The following AFG1L variants were observed in gnomAD, a reference collection of about 807,000 sequenced individuals.
AFG1L encodes the protein AFG1-like ATPase.
A neutral mutation model predicts 62.2 loss-of-function variants in AFG1L; 53 were observed. That is an observed-to-expected ratio of 0.85 (90% CI 0.68 to 1.07). The LOEUF (loss-of-function observed/expected upper bound fraction) is 1.07, where lower values mean the gene tolerates loss of function less well. AFG1L is among the 50% of genes least tolerant of loss of function. The pLI is 0.00. For missense variants in AFG1L, 555 were observed against 590.5 expected, an observed-to-expected ratio of 0.94 and a Z score of 0.62; for synonymous variants, 228 against 210.3, an observed-to-expected ratio of 1.08 and a Z score of -0.73.
intron 6 of AFG1L, 143 bp from the exon 7 acceptor site, chr6:108,401,851 AAG>A: frequency 2.0e-6 from 1 of 500,476 alleles, no homozygotes; most frequent in South Asian, 2.9e-5. Context: ...GTAGGACCCA[AAG>A]AGAAATCAAT....
In AFG1L at chr6:108,313,525, G is replaced by C. The variant is rs531193162; in HGVS notation, c.140-10300G>C. On this transcript the variant is annotated intron_variant, in intron 1 of 12. Transcript: ENST00000368977. ...CTCCCTGGCCCAAATCATAGACATT[G>C]CTTTCTCTCTTTCTTTTATTTATTT... Among the ~76,000 whole-genome samples the C allele has an allele frequency of 2.6e-5, 4 of 152,112 alleles. No individual in the cohort carries two copies. The South Asian group carries it at 8.3e-4, about 32-fold the overall frequency.
intron 6 of AFG1L, among the ~76,000 whole-genome samples, chr6:108,401,311 T>G (rs541342321): frequency 2.0e-5 from 3 of 151,588 alleles, no homozygotes; most frequent in African/African-American, 7.3e-5. Context: ...CCCGGCTAAT[T>G]TTTTGTATTT....
chr6:108,304,555 TG>T (rs1777134202), intron 1 of AFG1L, among the ~76,000 whole-genome samples: 1 of 152,208 alleles, frequency 6.6e-6, no homozygotes, highest in Non-Finnish European at 1.5e-5. Context: ...TTTAAATGGA[TG>T]TTTAATAAAT....
At chr6:108,470,370 T>A (rs1320163953) in intron 8 of AFG1L, among the ~76,000 whole-genome samples, 1 of 152,134 alleles carries the variant, frequency 6.6e-6, no homozygotes, top group Admixed American at 6.5e-5. Flanking sequence ...TTGTGGGGTA[T>A]AACAGGAGAT....
chr6:108,343,496 C>T (rs1022514570), intron 2 of AFG1L, among the ~76,000 whole-genome samples: 2 of 152,090 alleles, frequency 1.3e-5, no homozygotes, highest in African/African-American at 4.8e-5. Flanking sequence ...AAACTATTCC[C>T]ACAAAATGTA....
intron 1 of AFG1L, among the ~76,000 whole-genome samples, chr6:108,315,540 G>T (rs1777557857): frequency 6.6e-6 from 1 of 152,156 alleles, no homozygotes; most frequent in Non-Finnish European, 1.5e-5. Context: ...CTCAGATTCT[G>T]TATGCCTTCC....
At chr6:108,430,675 C>T (rs1414705908) in intron 7 of AFG1L, among the ~76,000 whole-genome samples, 1 of 152,190 alleles carries the variant, frequency 6.6e-6, no homozygotes, top group East Asian at 1.9e-4. Flanking sequence ...ATAAAATTAA[C>T]TGCACAATAA....
chr6:108,422,497 A>AAAAAAAAAAAAAAAAG (rs1554196482), intron 7 of AFG1L, among the ~76,000 whole-genome samples: 1 of 147,716 alleles, frequency 6.8e-6, no homozygotes, highest in South Asian at 2.1e-4. Flanking sequence ...AAAAAAAAAA[A>AAAAAAAAAAAAAAAAG]AAGAAGAAGA....
At position 108,450,428 on chromosome 6, in the gene AFG1L, C is replaced by T. The variant is rs549767264; in HGVS notation, c.890+3132C>T. Among the ~76,000 whole-genome samples the T allele has an allele frequency of 1.4e-3, 209 of 152,200 alleles. 2 individuals carry two copies. The highest frequency in any genetic ancestry group is 4.6e-3 in the African/African-American group (189 of 41,530). On this transcript the variant is annotated intron_variant, in intron 8 of 12. Coordinates refer to ENST00000368977, the MANE Select transcript of AFG1L (RefSeq NM_145315.5). The stretch of plus-strand genomic sequence containing the variant: ...TTGAGAAGTGTCTGTTCATATCCTT[C>T]GCCCACTTGTTGATGGGGTTGTTTT...
At chr6:108,403,600 A>G (rs1781724877) in intron 7 of AFG1L, among the ~76,000 whole-genome samples, 1 of 152,144 alleles carries the variant, frequency 6.6e-6, no homozygotes, top group Non-Finnish European at 1.5e-5. Context: ...TAGACTTGCA[A>G]CGTTTTCTCC....
At chr6:108,367,998 A>T (rs1260714709) in intron 6 of AFG1L, among the ~76,000 whole-genome samples, 1 of 152,134 alleles carries the variant, frequency 6.6e-6, no homozygotes, top group Non-Finnish European at 1.5e-5. Context: ...ATTGAATTTT[A>T]AATTGCTAAC....
intron 1 of AFG1L, among the ~76,000 whole-genome samples, chr6:108,302,576 G>C (rs968502260): frequency 8.5e-5 from 13 of 152,092 alleles, no homozygotes; most frequent in African/African-American, 3.1e-4. Flanking sequence ...TCCTGGGCCT[G>C]TACTTTACTT....
At chr6:108,498,334 T>C (rs1187105351) in intron 10 of AFG1L, among the ~76,000 whole-genome samples, 1 of 152,234 alleles carries the variant, frequency 6.6e-6, no homozygotes, top group Non-Finnish European at 1.5e-5. Context: ...TATAATCAGA[T>C]GACCCCTCAC....
At chr6:108,463,747 G>A (rs1772557354) in intron 8 of AFG1L, among the ~76,000 whole-genome samples, 1 of 152,192 alleles carries the variant, frequency 6.6e-6, no homozygotes, top group Non-Finnish European at 1.5e-5. Flanking sequence ...AGTCAGTTAA[G>A]CCTTTGAGTG....
At chr6:108,326,147 A>G (rs913980246) in intron 2 of AFG1L, among the ~76,000 whole-genome samples, 6 of 152,234 alleles carry the variant, frequency 3.9e-5, no homozygotes, top group Admixed American at 1.3e-4. Flanking sequence ...ATAGCTCACT[A>G]GTAGCCTTGA....
At chr6:108,445,277 G>A in intron 7 of AFG1L, among the ~76,000 whole-genome samples, 1 of 152,180 alleles carries the variant, frequency 6.6e-6, no homozygotes, top group Middle Eastern at 3.2e-3. Context: ...TTAAGAGAAT[G>A]TTGTGGCTGT....
intron 6 of AFG1L, among the ~76,000 whole-genome samples, chr6:108,388,869 A>G (rs1266923992): frequency 3.9e-5 from 6 of 151,960 alleles, no homozygotes; most frequent in Non-Finnish European, 7.4e-5. Context: ...TTGGGGTGGA[A>G]AGTTCTGTAG....
At chr6:108,337,475 T>C (rs1263077172) in intron 2 of AFG1L, among the ~76,000 whole-genome samples, 2 of 152,240 alleles carry the variant, frequency 1.3e-5, no homozygotes, top group African/African-American at 2.4e-5. Context: ...GAAACAAGGA[T>C]TGTTTTCTAC....
At chr6:108,326,601 G>A (rs951683085) in intron 2 of AFG1L, among the ~76,000 whole-genome samples, 1 of 152,046 alleles carries the variant, frequency 6.6e-6, no homozygotes, top group African/African-American at 2.4e-5. Context: ...TGCCAAATAC[G>A]CTTTTACTGT....
Sources: allele counts gnomAD v4.1 joint callset (sites outside exome capture counted in the v4.1 genomes callset), GRCh38; gene constraint gnomAD v4.1.1; transcripts MANE v1.5; gene names NCBI Gene and HGNC (gene_info 2026-07-23, HGNC 2026-07-21).